The following CAST variants were observed in gnomAD, a reference collection of about 807,000 sequenced individuals.
The protein encoded by CAST is calpastatin.
A neutral mutation model predicts 119.6 loss-of-function variants in CAST; 76 were observed. That is an observed-to-expected ratio of 0.64 (90% CI 0.53 to 0.77). The LOEUF is 0.77. Among genes scored for constraint, CAST ranks in the 30% least tolerant of loss-of-function variants. The pLI is 0.00. For synonymous variants in CAST, 319 were observed against 331.6 expected (o/e 0.96, Z 0.41); for missense variants, 953 against 946.5 (o/e 1.01, Z -0.09).
intron 1 of CAST, among the ~76,000 whole-genome samples, chr5:96,582,757 T>A (rs2150189610): frequency 6.6e-6 from 1 of 152,324 alleles, no homozygotes; most frequent in African/African-American, 2.4e-5. Flanking sequence ...TAATTATTTT[T>A]AAAAAACTAA....
chr5:96,399,122 T>C, the CAST span: 2 of 963,354 alleles, frequency 2.1e-6, no homozygotes, highest in Admixed American at 4.0e-5. Flanking sequence ...CAATCTTGAC[T>C]AGATGCTCAA....
At chr5:95,975,455 C>G in the CAST span, among the ~76,000 whole-genome samples, 1 of 152,092 alleles carries the variant, frequency 6.6e-6, no homozygotes, top group Non-Finnish European at 1.5e-5. Context: ...CACCCTGACT[C>G]GTTTCTCAAA....
At chr5:96,769,461 T>C (rs1384025049) in intron 29 of CAST, 1 of 152,032 alleles carries the variant, frequency 6.6e-6, no homozygotes, top group Non-Finnish European at 1.5e-5. Context: ...CTATTTTGTT[T>C]TTTAAATACA....
the CAST span, among the ~76,000 whole-genome samples, chr5:96,229,448 AT>A: frequency 6.6e-6 from 1 of 152,058 alleles, no homozygotes; most frequent in Non-Finnish European, 1.5e-5. Context: ...AAAAGACACT[AT>A]TTCCATGGCA....
At chr5:96,638,643 A>T (rs931849125) in intron 1 of CAST, among the ~76,000 whole-genome samples, 2 of 152,042 alleles carry the variant, frequency 1.3e-5, no homozygotes, top group African/African-American at 4.8e-5. Flanking sequence ...GGCTTGAACG[A>T]TTTTGTTCTG....
At chr5:96,512,839 G>T in the CAST span, among the ~76,000 whole-genome samples, 1 of 152,164 alleles carries the variant, frequency 6.6e-6, no homozygotes, top group Non-Finnish European at 1.5e-5. Context: ...TAAATCTCCT[G>T]TCACCTTTTC....
chr5:96,261,746 G>T, the CAST span, among the ~76,000 whole-genome samples: 1 of 152,122 alleles, frequency 6.6e-6, no homozygotes, highest in African/African-American at 2.4e-5. Context: ...AAAAAAAAAG[G>T]CCCCTGAATT....
the CAST span, among the ~76,000 whole-genome samples, chr5:96,231,104 A>G: frequency 6.6e-6 from 1 of 152,184 alleles, no homozygotes; most frequent in African/African-American, 2.4e-5. Flanking sequence ...TAGATTTACC[A>G]TATGATCTAG....
At chr5:96,024,168 G>T in the CAST span, among the ~76,000 whole-genome samples, 1 of 152,068 alleles carries the variant, frequency 6.6e-6, no homozygotes, top group Non-Finnish European at 1.5e-5. Context: ...TCTTCCTCTA[G>T]AATAGTAGAA....
At chr5:96,122,045 C>T in the CAST span, among the ~76,000 whole-genome samples, 117 of 152,216 alleles carry the variant, frequency 7.7e-4, no homozygotes, top group Non-Finnish European at 1.4e-3. Context: ...GGCAGGGCTT[C>T]AAGTGGTATT....
chr5:96,655,088 T>G (rs916187207), intron 1 of CAST, among the ~76,000 whole-genome samples: 1 of 152,212 alleles, frequency 6.6e-6, no homozygotes, highest in African/African-American at 2.4e-5. Context: ...ATACTGAATA[T>G]TTTTCTGTGT....
the CAST span, among the ~76,000 whole-genome samples, chr5:96,277,268 C>T: frequency 6.6e-6 from 1 of 151,780 alleles, no homozygotes; most frequent in African/African-American, 2.4e-5. Context: ...CATATTAACT[C>T]TCCAAAGTAG....
At chr5:96,269,375 A>G in the CAST span, among the ~76,000 whole-genome samples, 1 of 152,202 alleles carries the variant, frequency 6.6e-6, no homozygotes, top group African/African-American at 2.4e-5. Context: ...AGGGGATTCG[A>G]CATCCTACTC....
the CAST span, among the ~76,000 whole-genome samples, chr5:95,971,001 A>G: frequency 6.6e-6 from 1 of 152,200 alleles, no homozygotes; most frequent in East Asian, 1.9e-4. Flanking sequence ...ACAACAGTTC[A>G]TAATGTTGAT....
chr5:96,260,966 G>A, the CAST span, among the ~76,000 whole-genome samples: 34 of 152,326 alleles, frequency 2.2e-4, no homozygotes, highest in African/African-American at 7.2e-4. Context: ...GTTACACAGA[G>A]CTAAAGACTA....
the CAST span, among the ~76,000 whole-genome samples, chr5:96,050,967 A>G: frequency 6.6e-6 from 1 of 152,140 alleles, no homozygotes; most frequent in East Asian, 1.9e-4. Context: ...ATGGGAACAC[A>G]GAATAAATTT....
intron 1 of CAST, among the ~76,000 whole-genome samples, chr5:96,574,882 A>G (rs1211091299): frequency 6.6e-6 from 1 of 152,172 alleles, no homozygotes; most frequent in East Asian, 1.9e-4. Context: ...ATTATGCTTC[A>G]TTGTTACATG....
At chr5:96,011,988 T>A in the CAST span, among the ~76,000 whole-genome samples, 2 of 152,204 alleles carry the variant, frequency 1.3e-5, no homozygotes, top group African/African-American at 2.4e-5. Context: ...TTGGGGTAGA[T>A]GTACTGGGTG....
At chr5:96,065,368 G>C in the CAST span, among the ~76,000 whole-genome samples, 1 of 151,530 alleles carries the variant, frequency 6.6e-6, no homozygotes, top group East Asian at 1.9e-4. Flanking sequence ...TTGGGGTCCT[G>C]GAAATTCTTT....
Sources: allele counts gnomAD v4.1 joint callset (sites outside exome capture counted in the v4.1 genomes callset), GRCh38; gene constraint gnomAD v4.1.1; transcripts MANE v1.5; gene names NCBI Gene and HGNC (gene_info 2026-07-23, HGNC 2026-07-21).